Variants in BABAM2 observed in about 807,000 individuals in gnomAD.
BABAM2 encodes BRISC and BRCA1 A complex member 2.
Under a neutral mutation model 54.7 loss-of-function variants are expected in BABAM2, and 31 were observed. The observed-to-expected ratio is 0.57, with a 90% confidence interval of 0.43 to 0.77. The LOEUF is 0.77. Ranked by LOEUF, BABAM2 falls within the 30% of genes least tolerant of loss-of-function variation. The probability of loss-of-function intolerance (pLI) is 0.00; values close to 1 mark genes in which losing one functional copy is unlikely to be tolerated. For synonymous variants in BABAM2, 167 were observed against 162.9 expected, an observed-to-expected ratio of 1.03 and a Z score of -0.19; for missense variants, 364 against 455.8, an observed-to-expected ratio of 0.80 and a Z score of 1.83.
intron 11 of BABAM2, among the ~76,000 whole-genome samples, chr2:28,337,280 A>T (rs1691552927): frequency 6.6e-6 from 1 of 151,686 alleles, no homozygotes; most frequent in African/African-American, 2.4e-5. Context: ...CTCTCAGCTG[A>T]CAGCAAGCTG....
chr2:28,058,263 T>C (rs1678590493), intron 6 of BABAM2, among the ~76,000 whole-genome samples: 1 of 151,976 alleles, frequency 6.6e-6, no homozygotes, highest in Non-Finnish European at 1.5e-5. Context: ...TACAAAGTAG[T>C]GGGAGATAAG....
intron 11 of BABAM2, among the ~76,000 whole-genome samples, chr2:28,331,743 G>T (rs1690974965): frequency 6.6e-6 from 1 of 152,250 alleles, no homozygotes. Flanking sequence ...TTTGGCCATT[G>T]TGGAAGACAG....
At chr2:27,948,757 T>G (rs1156743134) in intron 3 of BABAM2, among the ~76,000 whole-genome samples, 3 of 151,880 alleles carry the variant, frequency 2.0e-5, no homozygotes, top group Non-Finnish European at 4.4e-5. Flanking sequence ...GATGACAGAG[T>G]GAGACTCCAC....
intron 7 of BABAM2, among the ~76,000 whole-genome samples, chr2:28,157,566 A>G (rs1672665407): frequency 6.6e-6 from 1 of 152,208 alleles, no homozygotes; most frequent in Non-Finnish European, 1.5e-5. Flanking sequence ...GCTACATATC[A>G]TCAATCAAGT....
chr2:28,026,976 A>C (rs1675896211), intron 5 of BABAM2, among the ~76,000 whole-genome samples: 1 of 109,080 alleles, frequency 9.2e-6, no homozygotes, highest in African/African-American at 3.7e-5. Context: ...ATATAAATAT[A>C]TAAATATATA....
In BABAM2 at chr2:28,109,948, ATGT is replaced by A. The variant is rs1372672091; in HGVS notation, c.571-19319_571-19317del. On this transcript the variant is annotated intron_variant, in intron 6 of 11. Transcript: ENST00000379624. ...AGTGATATTAGGTACATTGATAATA[ATGT>A]TGTGCGACCATCATGACATCCGTTT... 7.9e-5 allele frequency among the ~76,000 whole-genome samples: 12 copies of A among 152,266 alleles called. No homozygotes were observed. In the East Asian group the frequency reaches 2.1e-3, roughly 27 times the overall value.
chr2:27,946,299 T>C (rs1402225718), intron 3 of BABAM2, among the ~76,000 whole-genome samples: 1 of 152,240 alleles, frequency 6.6e-6, no homozygotes, highest in African/African-American at 2.4e-5. Flanking sequence ...ATATGATAAA[T>C]AAACTGATTT....
intron 3 of BABAM2, among the ~76,000 whole-genome samples, chr2:27,931,600 A>C (rs1354807622): frequency 1.3e-5 from 2 of 152,082 alleles, no homozygotes; most frequent in Non-Finnish European, 2.9e-5. Flanking sequence ...CCTGTAGCTT[A>C]AAAATTTTTA....
At chr2:28,096,190 A>G (rs1666604208) in intron 6 of BABAM2, among the ~76,000 whole-genome samples, 2 of 152,176 alleles carry the variant, frequency 1.3e-5, no homozygotes, top group African/African-American at 2.4e-5. Context: ...TGAGCAGGAT[A>G]GATGGGGCCT....
chr2:28,320,709 T>G (rs1689958634), intron 11 of BABAM2, among the ~76,000 whole-genome samples: 1 of 152,216 alleles, frequency 6.6e-6, no homozygotes, highest in Non-Finnish European at 1.5e-5. Flanking sequence ...CTGCTCAGCC[T>G]TAGCCCTCAG....
chr2:28,319,835 C>T lies in BABAM2; in HGVS notation c.1089-18615C>T, dbSNP rs556301742. 2.0e-5 allele frequency among the ~76,000 whole-genome samples: 3 copies of T among 152,344 alleles called. No individual in the cohort carries two copies. The South Asian group carries it at 6.2e-4, about 32-fold the overall frequency. On this transcript the variant is annotated intron_variant, in intron 11 of 11. Transcript: ENST00000379624. The stretch of plus-strand genomic sequence containing the variant: ...TTTCCACACAGTTCAACCTCAAAGG[C>T]AATACACTTGCAGCACAGAGAAATG...
chr2:28,254,383 C>T (rs6750880), intron 10 of BABAM2, among the ~76,000 whole-genome samples: 130 of 152,206 alleles, frequency 8.5e-4, no homozygotes, highest in Middle Eastern at 3.4e-3. Context: ...GTGATCCTCC[C>T]GCCTCGATCT....
chr2:27,936,729 A>G (rs1013428588), intron 3 of BABAM2, among the ~76,000 whole-genome samples: 9 of 151,976 alleles, frequency 5.9e-5, no homozygotes, highest in South Asian at 2.1e-4. Context: ...GTTCTCACTC[A>G]TAGGTGGGAA....
intron 5 of BABAM2, among the ~76,000 whole-genome samples, chr2:28,026,802 A>T (rs1273928972): frequency 1.9e-4 from 10 of 52,514 alleles, no homozygotes; most frequent in Admixed American, 5.0e-4. Flanking sequence ...TATTTATATA[A>T]AAAATATATA....
At chr2:28,038,502 A>G (rs189683313) in intron 5 of BABAM2, among the ~76,000 whole-genome samples, 11 of 152,286 alleles carry the variant, frequency 7.2e-5, no homozygotes, top group Admixed American at 7.2e-4. Flanking sequence ...ATAGTACTCA[A>G]TAGGAAGTTT....
At chr2:27,984,828 C>G in intron 3 of BABAM2, among the ~76,000 whole-genome samples, 1 of 151,850 alleles carries the variant, frequency 6.6e-6, no homozygotes. Flanking sequence ...AGTGTGTAGT[C>G]TTTTATCCCT....
chr2:28,116,380 C>T (rs1668616900), intron 6 of BABAM2, among the ~76,000 whole-genome samples: 1 of 152,174 alleles, frequency 6.6e-6, no homozygotes, highest in Non-Finnish European at 1.5e-5. Context: ...AGGGGAGACT[C>T]TCTAGTGGGC....
chr2:27,992,834 A>G (rs2148495284), intron 4 of BABAM2, among the ~76,000 whole-genome samples: 1 of 152,068 alleles, frequency 6.6e-6, no homozygotes, highest in African/African-American at 2.4e-5. Flanking sequence ...ACACACTCCC[A>G]CCTTAGGGCC....
intron 3 of BABAM2, among the ~76,000 whole-genome samples, chr2:27,986,714 C>A (rs1250436962): frequency 6.6e-6 from 1 of 152,012 alleles, no homozygotes; most frequent in Non-Finnish European, 1.5e-5. Context: ...TAAATGTTTA[C>A]ATTTGGATAA....
Sources: gnomAD v4.1 joint callset for allele counts (sites outside exome capture counted in the v4.1 genomes callset) on GRCh38, gnomAD v4.1.1 for gene constraint, MANE v1.5 for transcripts, NCBI Gene and HGNC (gene_info 2026-07-23, HGNC 2026-07-21) for gene names.